SORBS2: variants seen among roughly 807,000 people sequenced by gnomAD.
SORBS2 encodes sorbin and SH3 domain containing 2.
A neutral mutation model predicts 97.7 loss-of-function variants in SORBS2; 46 were observed. The ratio of observed to expected loss-of-function variants is 0.47; its 90% CI spans 0.37 to 0.60. The LOEUF (loss-of-function observed/expected upper bound fraction) is 0.60, where lower values mean the gene tolerates loss of function less well. Ranked by LOEUF, SORBS2 falls within the 20% of genes least tolerant of loss-of-function variation. SORBS2 has a pLI of 0.00. For missense variants in SORBS2, 1,316 were observed against 1,282.3 expected (o/e 1.03, Z -0.40); for synonymous variants, 476 against 473.4 (o/e 1.01, Z -0.07).
chr4:185,784,293 G>A (rs532239576), intron 1 of SORBS2, among the ~76,000 whole-genome samples: 6 of 151,940 alleles, frequency 3.9e-5, no homozygotes, highest in East Asian at 1.9e-4. Context: ...CACCACTCCC[G>A]GCTAATTTTT....
chr4:185,738,381 T>C (rs2098701536), intron 2 of SORBS2, among the ~76,000 whole-genome samples: 1 of 152,204 alleles, frequency 6.6e-6, no homozygotes, highest in Admixed American at 6.5e-5. Flanking sequence ...AAGTGAAGTG[T>C]TGGGATTCAT....
intron 1 of SORBS2, among the ~76,000 whole-genome samples, chr4:185,902,461 T>A (rs2099248236): frequency 6.6e-6 from 1 of 152,058 alleles, no homozygotes; most frequent in Non-Finnish European, 1.5e-5. Context: ...GCCTGTGAAG[T>A]AACTGAACCA....
chr4:185,827,836 A>G (rs1319375086), intron 1 of SORBS2, among the ~76,000 whole-genome samples: 3 of 147,870 alleles, frequency 2.0e-5, no homozygotes, highest in East Asian at 2.0e-4. Flanking sequence ...CATCATCATC[A>G]TCATCGTCAC....
chr4:185,670,668 G>A (rs1451445048), intron 4 of SORBS2, among the ~76,000 whole-genome samples: 1 of 151,244 alleles, frequency 6.6e-6, no homozygotes, highest in Non-Finnish European at 1.5e-5. Flanking sequence ...ACAGGCATGA[G>A]CCACTGTGCC....
chr4:185,676,968 A>C, intron 4 of SORBS2: 1 of 1,538,280 alleles, frequency 6.5e-7, no homozygotes, highest in Non-Finnish European at 8.8e-7. Context: ...GCATGTATTA[A>C]TACGAAGAGA....
intron 1 of SORBS2, among the ~76,000 whole-genome samples, chr4:185,789,984 G>T (rs539672709): frequency 3.3e-5 from 5 of 152,020 alleles, no homozygotes; most frequent in Admixed American, 6.6e-5. Context: ...TACATTTGCC[G>T]TTATCTGTTT....
rs754343510 is a variant in SORBS2, at chr4:185,615,150, T to C, written c.2361A>G (p.Ser787=). The change falls in exon 10 of 15, where the codon TCA becomes TCG. Residue 787 remains serine, a synonymous_variant. Transcript: ENST00000418609. The stretch of plus-strand genomic sequence containing the variant: ...TGTAGACAGTATCTCCTTTCTTAAA[T>C]GACAACTCCCTGGAAGAGACACGTT... 3.8e-6 allele frequency: 6 copies of C among 1,599,542 alleles called. No homozygotes were observed. In the South Asian group the frequency reaches 5.5e-5, roughly 15 times the overall value.
At chr4:185,701,771 C>A in intron 2 of SORBS2, among the ~76,000 whole-genome samples, 1 of 66,000 alleles carries the variant, frequency 1.5e-5, no homozygotes, top group South Asian at 7.6e-4. Flanking sequence ...TAGCAAATTT[C>A]TTTCTTTTTT....
intron 2 of SORBS2, among the ~76,000 whole-genome samples, chr4:185,769,201 G>A (rs142390160): frequency 7.2e-5 from 11 of 152,256 alleles, no homozygotes; most frequent in South Asian, 4.1e-4. Context: ...TCCATCCTGC[G>A]TCATCTTGGG....
At chr4:185,916,923 C>T (rs529476731) in intron 1 of SORBS2, among the ~76,000 whole-genome samples, 2 of 152,342 alleles carry the variant, frequency 1.3e-5, no homozygotes, top group Non-Finnish European at 2.9e-5. Context: ...CAGGTAGCTA[C>T]AGGATGGGGC....
In SORBS2 at chr4:185,618,575, TCTTA is replaced by T; in HGVS notation, c.2351+6_2351+9del. ...CCTTAAATCATATGATGAGTATTTA[TCTTA>T]CTTACTTAGATGTCTGAGCCTTAAA... On this transcript the variant is annotated splice_donor_region_variant and intron_variant, in intron 9 of 14. Transcript: ENST00000418609. 3 of 1,478,172 alleles carry T rather than the reference TCTTA, an allele frequency of 2.0e-6. No individual in the cohort carries two copies. The highest frequency in any genetic ancestry group is 2.8e-6 in the Non-Finnish European group (3 of 1,083,912). 91.6% of individuals were successfully genotyped at this position (1,478,172 alleles called of 1,614,324 possible). A position where few individuals can be genotyped will look rare whatever the true frequency, so the allele number is the denominator to read the frequency against.
At chr4:185,675,050 T>C (rs1222058113) in intron 4 of SORBS2, 9 of 152,202 alleles carry the variant, frequency 5.9e-5, no homozygotes, top group Non-Finnish European at 1.3e-4. Flanking sequence ...AGGCACCCAA[T>C]AAATATTTCT....
chr4:185,594,039 G>A, intron 12 of SORBS2, 104 bp from the exon 25 acceptor site: 2 of 765,382 alleles, frequency 2.6e-6, no homozygotes, highest in Non-Finnish European at 4.4e-6. Flanking sequence ...AATATTTCCT[G>A]TTGTAAAAAA....
At chr4:185,787,374 A>G (rs984451046) in intron 1 of SORBS2, among the ~76,000 whole-genome samples, 2 of 152,212 alleles carry the variant, frequency 1.3e-5, no homozygotes, top group Non-Finnish European at 2.9e-5. Flanking sequence ...TGGGGAACAG[A>G]TTAAGTAAAA....
intron 2 of SORBS2, among the ~76,000 whole-genome samples, 172 bp downstream of exon 11, chr4:185,651,612 G>T (rs1187004412): frequency 6.6e-6 from 1 of 152,130 alleles, no homozygotes; most frequent in Admixed American, 6.5e-5. Context: ...ATTTCCATGA[G>T]AAAAGTCAAT....
intron 12 of SORBS2, among the ~76,000 whole-genome samples, chr4:185,601,065 C>T (rs1392823457): frequency 3.3e-5 from 5 of 152,202 alleles, no homozygotes; most frequent in Non-Finnish European, 7.3e-5. Flanking sequence ...AGGAATAAAA[C>T]ACGCTTAAAT....
chr4:185,931,894 G>A lies in SORBS2; in HGVS notation c.-338+24302C>T, dbSNP rs577471421. 5.1e-4 allele frequency among the ~76,000 whole-genome samples: 78 copies of A among 152,002 alleles called. No individual in the cohort carries two copies. In the South Asian group the frequency reaches 0.016, roughly 31 times the overall value. On this transcript the variant is annotated intron_variant, in intron 1 of 20. Transcript: ENST00000284776. ...AAATGGTCTAGCCTCTAAGTTTACA[G>A]GAGTTAAGAGAAAGTGAGTAAAAGT...
chr4:185,635,831 A>G (rs1352755028), intron 4 of SORBS2, among the ~76,000 whole-genome samples: 1 of 149,580 alleles, frequency 6.7e-6, no homozygotes, highest in Non-Finnish European at 1.5e-5. Context: ...TAGTCCCTAT[A>G]AGCTTTCTTT....
chr4:185,622,061 T>C (rs2153421430), intron 7 of SORBS2, among the ~76,000 whole-genome samples: 1 of 152,354 alleles, frequency 6.6e-6, no homozygotes, highest in South Asian at 2.1e-4. Flanking sequence ...TAAGAATTAA[T>C]GAAAATAATT....
Sources: allele counts gnomAD v4.1 joint callset (sites outside exome capture counted in the v4.1 genomes callset), GRCh38; gene constraint gnomAD v4.1.1; transcripts MANE v1.5; gene names NCBI Gene and HGNC (gene_info 2026-07-23, HGNC 2026-07-21).